Variants in LRRC1 observed in about 807,000 individuals in gnomAD.
LRRC1 encodes the protein leucine rich repeat containing 1, also known as leucine-rich repeat-containing protein 1.
In LRRC1, 28 loss-of-function variants were observed where a neutral mutation model predicts 69.9. The observed-to-expected ratio is 0.40, with a 90% CI of 0.30 to 0.55. The LOEUF is 0.55. Among genes scored for constraint, LRRC1 ranks in the 20% least tolerant of loss-of-function variants. The pLI is 0.47. For synonymous variants in LRRC1, 236 were observed against 240.2 expected (o/e 0.98, Z 0.16); for missense variants, 498 against 609.0 (o/e 0.82, Z 1.92).
At chr6:53,921,606 C>G (rs985268840) in intron 13 of LRRC1, among the ~76,000 whole-genome samples, 2 of 152,198 alleles carry the variant, frequency 1.3e-5, no homozygotes, top group African/African-American at 4.8e-5. Flanking sequence ...AGACATCCAT[C>G]ATCTCTAGGT....
chr6:53,848,650 T>C (rs564381122), intron 2 of LRRC1, among the ~76,000 whole-genome samples: 1 of 152,344 alleles, frequency 6.6e-6, no homozygotes, highest in South Asian at 2.1e-4. Context: ...AACATATATA[T>C]GGAAGAGTAA....
chr6:53,869,300 G>A (rs1223164897), intron 2 of LRRC1, among the ~76,000 whole-genome samples: 2 of 152,120 alleles, frequency 1.3e-5, no homozygotes, highest in African/African-American at 4.8e-5. Flanking sequence ...CAAAGAGGGG[G>A]ATGGTGGGGT....
intron 1 of LRRC1, among the ~76,000 whole-genome samples, chr6:53,836,168 A>C (rs1228282884): frequency 6.6e-6 from 1 of 152,226 alleles, no homozygotes; most frequent in Non-Finnish European, 1.5e-5. Flanking sequence ...ACTGCTAGAC[A>C]TAGCAGTGAG....
At chr6:53,899,715 T>C in intron 7 of LRRC1, 32 bp from the exon 8 acceptor site, 3 of 1,609,062 alleles carry the variant, frequency 1.9e-6, no homozygotes, top group South Asian at 1.1e-5. Context: ...CAGGTTTAAG[T>C]GTGCGTTTAT....
Position 53,884,180 on chromosome 6 carries a change from T to C in LRRC1, c.446+1204T>C, listed in dbSNP as rs190524248. On this transcript the variant is annotated intron_variant, in intron 4 of 13. Coordinates refer to ENST00000370888, the MANE Select transcript of LRRC1 (RefSeq NM_018214.5). Reference sequence around the variant, plus strand: ...AATTTCATGCATGTACAATTCACTTTTGCTGTATCAAGTGTCAGATATTTA... The same window carrying C: ...AATTTCATGCATGTACAATTCACTTCTGCTGTATCAAGTGTCAGATATTTA... The C allele has an allele frequency of 2.7e-4, 158 of 586,836 alleles. No individual in the cohort carries two copies. In the African/African-American group the frequency reaches 2.7e-3, roughly 10 times the overall value. 36.4% of individuals were successfully genotyped at this position (586,836 alleles called of 1,614,324 possible).
chr6:53,867,101 G>C lies in LRRC1; in HGVS notation c.278-11892G>C, dbSNP rs77491486. On this transcript the variant is annotated intron_variant, in intron 2 of 13. Coordinates refer to ENST00000370888, the MANE Select transcript of LRRC1 (RefSeq NM_018214.5). ...CAAATCCTGGCCTTCCCACTTACCAGCTGTGTAAACTTGGACGAGTCCCTT... is the reference window on the plus strand; with the variant it reads ...CAAATCCTGGCCTTCCCACTTACCACCTGTGTAAACTTGGACGAGTCCCTT... 3.9e-5 allele frequency among the ~76,000 whole-genome samples: 6 copies of C among 152,220 alleles called. No homozygotes were observed. The East Asian group carries it at 9.7e-4, about 24-fold the overall frequency.
At chr6:53,845,869 G>A (rs1168683955) in intron 2 of LRRC1, among the ~76,000 whole-genome samples, 4 of 152,138 alleles carry the variant, frequency 2.6e-5, no homozygotes, top group African/African-American at 9.7e-5. Flanking sequence ...CCACCTGCAG[G>A]CTTGCTGCTA....
At chr6:53,884,080 A>G (rs1767389533) in intron 4 of LRRC1, 4 of 706,872 alleles carry the variant, frequency 5.7e-6, no homozygotes, top group East Asian at 2.7e-5. Context: ...TCAGGAGGAG[A>G]AGAAGACAGG....
At chr6:53,843,856 G>A (rs776458008) in intron 2 of LRRC1, among the ~76,000 whole-genome samples, 2 of 152,056 alleles carry the variant, frequency 1.3e-5, no homozygotes, top group Admixed American at 1.3e-4. Flanking sequence ...TTCTCTTTAC[G>A]TACAGTTTGA....
At chr6:53,815,899 C>T (rs7763147) in intron 1 of LRRC1, among the ~76,000 whole-genome samples, 125,553 of 152,154 alleles carry the variant, frequency 0.83, 51,997 homozygotes, top group East Asian at 0.92. Context: ...TGGTCTTGGC[C>T]CATACTGCTG....
intron 2 of LRRC1, among the ~76,000 whole-genome samples, chr6:53,851,826 C>G (rs1043126911): frequency 6.6e-6 from 1 of 152,202 alleles, no homozygotes; most frequent in Non-Finnish European, 1.5e-5. Flanking sequence ...ACAGGGTAGC[C>G]TGCCTTCCCA....
chr6:53,840,884 T>TTGTGTGTGTGTGTG (rs57491487), intron 1 of LRRC1, among the ~76,000 whole-genome samples: 3 of 125,232 alleles, frequency 2.4e-5, no homozygotes, highest in African/African-American at 9.1e-5. Context: ...GGGTATGTGT[T>TTGTGTGTGTGTGTG]TGTGTGTGTG....
intron 2 of LRRC1, among the ~76,000 whole-genome samples, chr6:53,848,714 A>G (rs1291209555): frequency 3.3e-5 from 5 of 152,080 alleles, no homozygotes; most frequent in African/African-American, 1.2e-4. Flanking sequence ...CAGAAAAGTT[A>G]TGACTGATGA....
intron 1 of LRRC1, among the ~76,000 whole-genome samples, chr6:53,816,807 C>T (rs377308771): frequency 3.3e-5 from 5 of 152,176 alleles, no homozygotes; most frequent in Non-Finnish European, 7.3e-5. Flanking sequence ...TGAATACTTT[C>T]GTATATGCCG....
chr6:53,853,274 T>A (rs1581874895), intron 2 of LRRC1, among the ~76,000 whole-genome samples: 2 of 144,794 alleles, frequency 1.4e-5, no homozygotes, highest in Admixed American at 1.5e-4. Context: ...AAATAACAGG[T>A]GGTTCATATT....
chr6:53,843,116 A>G (rs1765839916), intron 2 of LRRC1, among the ~76,000 whole-genome samples: 1 of 152,152 alleles, frequency 6.6e-6, no homozygotes, highest in East Asian at 1.9e-4. Context: ...TCTTGTAAGG[A>G]CCCTGGTACA....
At chr6:53,884,185 G>T (rs1482613519) in intron 4 of LRRC1, 1 of 581,236 alleles carries the variant, frequency 1.7e-6, no homozygotes, top group African/African-American at 1.9e-5. Flanking sequence ...CACTTTTGCT[G>T]TATCAAGTGT....
intron 4 of LRRC1, 81 bp from the exon 5 acceptor site, chr6:53,896,417 C>A: frequency 8.6e-7 from 1 of 1,156,310 alleles, no homozygotes. Context: ...GCAACTTGTC[C>A]AGTGTGTGTA....
chr6:53,813,281 AG>A (rs891937155), intron 1 of LRRC1, among the ~76,000 whole-genome samples: 8 of 151,692 alleles, frequency 5.3e-5, no homozygotes, highest in African/African-American at 1.9e-4. Flanking sequence ...TGTGGATTGG[AG>A]GGGTGTGGTG....
Sources: allele counts gnomAD v4.1 joint callset (sites outside exome capture counted in the v4.1 genomes callset), GRCh38; gene constraint gnomAD v4.1.1; transcripts MANE v1.5; gene names NCBI Gene and HGNC (gene_info 2026-07-23, HGNC 2026-07-21).